SLC25A26: variants seen among roughly 807,000 people sequenced by gnomAD.
The protein encoded by SLC25A26 is solute carrier family 25 member 26, also known as mitochondrial S-adenosylmethionine carrier protein.
In SLC25A26, 36 loss-of-function variants were observed where a neutral mutation model predicts 37.8. The observed-to-expected ratio is 0.95, with a 90% CI of 0.73 to 1.26. The LOEUF is 1.26. Ranked by LOEUF, SLC25A26 falls within the 50% of genes most tolerant of loss-of-function variation. The pLI, the probability that SLC25A26 is intolerant of heterozygous loss-of-function variation, is 0.00. For missense variants in SLC25A26, 390 were observed against 331.1 expected (o/e 1.18, Z -1.38); for synonymous variants, 129 against 122.5 (o/e 1.05, Z -0.35).
chr3:66,318,161 A>G (rs1474456027), intron 5 of SLC25A26, among the ~76,000 whole-genome samples: 2 of 152,094 alleles, frequency 1.3e-5, no homozygotes, highest in Non-Finnish European at 2.9e-5. Flanking sequence ...ATGGGAGTGG[A>G]CAGATGTCCT....
chr3:66,151,306 C>A (rs1651019568), intron 1 of SLC25A26, among the ~76,000 whole-genome samples: 1 of 152,050 alleles, frequency 6.6e-6, no homozygotes, highest in Admixed American at 6.6e-5. Context: ...CTAAGCAAAG[C>A]TGGTCTACTC....
intron 5 of SLC25A26, 103 bp downstream of exon 5, chr3:66,263,482 T>G: frequency 3.9e-6 from 3 of 770,598 alleles, no homozygotes; most frequent in Non-Finnish European, 6.4e-6. Flanking sequence ...AGAAACTTGG[T>G]TTAAAAAATC....
chr3:66,324,349 T>C (rs1356478260), intron 5 of SLC25A26, among the ~76,000 whole-genome samples: 4 of 152,024 alleles, frequency 2.6e-5, no homozygotes, highest in African/African-American at 7.2e-5. Flanking sequence ...ATTGCAAAAC[T>C]AGTTGAGCCA....
rs374413520 is a variant in SLC25A26 at position 66,274,949 on chromosome 3, A to C, written c.453+11570A>C. 2.4e-3 allele frequency among the ~76,000 whole-genome samples: 361 copies of C among 152,070 alleles called. 2 individuals are homozygous for C. Among genetic ancestry groups the C allele is most frequent in the South Asian group, 7.1e-3 (34 of 4,812 alleles). On this transcript the variant is annotated intron_variant, in intron 5 of 9. Coordinates refer to ENST00000354883, the MANE Select transcript of SLC25A26 (RefSeq NM_001379210.1). ...TCATGCTGCTATAAAGACACATGCAAACGTATGTTTATTGCGGCACTATTC... is the reference window on the plus strand; with the variant it reads ...TCATGCTGCTATAAAGACACATGCACACGTATGTTTATTGCGGCACTATTC...
intron 6 of SLC25A26, among the ~76,000 whole-genome samples, chr3:66,349,826 T>A (rs1392611054): frequency 6.6e-6 from 1 of 152,176 alleles, no homozygotes; most frequent in East Asian, 1.9e-4. Context: ...CCACCAACAG[T>A]GTATGAGAGT....
intron 5 of SLC25A26, among the ~76,000 whole-genome samples, chr3:66,296,301 T>C (rs1486144898): frequency 6.6e-6 from 1 of 152,216 alleles, no homozygotes; most frequent in African/African-American, 2.4e-5. Context: ...CAGGTTTGCT[T>C]TGATCTGTAA....
At chr3:66,154,981 A>G (rs965996111) in intron 1 of SLC25A26, among the ~76,000 whole-genome samples, 5 of 152,238 alleles carry the variant, frequency 3.3e-5, no homozygotes, top group Non-Finnish European at 7.3e-5. Context: ...CATCATCTCA[A>G]TTATGGCTTA....
At chr3:66,307,005 C>T (rs1264555012) in intron 5 of SLC25A26, among the ~76,000 whole-genome samples, 1 of 152,094 alleles carries the variant, frequency 6.6e-6, no homozygotes, top group Non-Finnish European at 1.5e-5. Flanking sequence ...GATTTGTAAT[C>T]CTTTGGGTAT....
At chr3:66,300,907 A>G (rs1027020279) in intron 5 of SLC25A26, among the ~76,000 whole-genome samples, 16 of 152,198 alleles carry the variant, frequency 1.1e-4, no homozygotes, top group Non-Finnish European at 1.9e-4. Flanking sequence ...TTTCCAACAC[A>G]ATTTAAAATT....
chr3:66,186,734 C>T (rs1332857104), intron 1 of SLC25A26, among the ~76,000 whole-genome samples: 1 of 151,878 alleles, frequency 6.6e-6, no homozygotes, highest in Non-Finnish European at 1.5e-5. Context: ...CATATCATGA[C>T]TCTCACTCTT....
At chr3:66,345,106 C>T (rs897469456) in intron 5 of SLC25A26, among the ~76,000 whole-genome samples, 1 of 152,152 alleles carries the variant, frequency 6.6e-6, no homozygotes. Context: ...GACAGCTCAT[C>T]GTAAATACCT....
chr3:66,257,507 A>T (rs1226540914), intron 3 of SLC25A26, among the ~76,000 whole-genome samples: 1 of 152,150 alleles, frequency 6.6e-6, no homozygotes, highest in Non-Finnish European at 1.5e-5. Context: ...TCCAGGTTTG[A>T]TGCAGGAGTG....
intron 1 of SLC25A26, among the ~76,000 whole-genome samples, chr3:66,135,462 A>T (rs1347943359): frequency 1.1e-4 from 16 of 152,204 alleles, no homozygotes; most frequent in Non-Finnish European, 2.9e-5. Context: ...TTTTAATGTG[A>T]ACAATTGTTA....
intron 1 of SLC25A26, among the ~76,000 whole-genome samples, chr3:66,145,125 GA>G (rs546816231): frequency 3.2e-4 from 49 of 151,178 alleles, no homozygotes; most frequent in African/African-American, 9.5e-4. Flanking sequence ...TATTAACAAT[GA>G]AAAAAAAATC....
chr3:66,267,625 T>G (rs144783834), intron 5 of SLC25A26, among the ~76,000 whole-genome samples: 66 of 152,290 alleles, frequency 4.3e-4, no homozygotes, highest in African/African-American at 1.5e-3. Context: ...TAATAACAAA[T>G]AACTCCTGGT....
At chr3:66,302,502 C>T (rs915417510) in intron 5 of SLC25A26, among the ~76,000 whole-genome samples, 2 of 152,084 alleles carry the variant, frequency 1.3e-5, no homozygotes, top group Admixed American at 6.6e-5. Context: ...TTCTAGTCAT[C>T]GATATCATTT....
At chr3:66,192,454 A>C (rs1192671427) in intron 1 of SLC25A26, among the ~76,000 whole-genome samples, 1 of 152,136 alleles carries the variant, frequency 6.6e-6, no homozygotes, top group Non-Finnish European at 1.5e-5. Context: ...CTGCTGGTGC[A>C]TTGATTTTGG....
At chr3:66,273,430 T>G in intron 5 of SLC25A26, among the ~76,000 whole-genome samples, 1 of 152,050 alleles carries the variant, frequency 6.6e-6, no homozygotes, top group East Asian at 1.9e-4. Flanking sequence ...CTGGACTCTT[T>G]TTGGTTGGTA....
At chr3:66,346,717 T>C (rs1377816407) in intron 6 of SLC25A26, among the ~76,000 whole-genome samples, 4 of 28,428 alleles carry the variant, frequency 1.4e-4, no homozygotes, top group South Asian at 7.6e-4. Flanking sequence ...GCTGTGTGCG[T>C]GTGTGTGTGT....
Sources: allele counts gnomAD v4.1 joint callset (sites outside exome capture counted in the v4.1 genomes callset), GRCh38; gene constraint gnomAD v4.1.1; transcripts MANE v1.5; gene names NCBI Gene and HGNC (gene_info 2026-07-23, HGNC 2026-07-21).